Variants in EXOSC4 observed in about 807,000 individuals in gnomAD.
EXOSC4 encodes the protein exosome component 4, also known as exosome complex component RRP41.
Under a neutral mutation model 20.0 loss-of-function variants are expected in EXOSC4, and 14 were observed. The ratio of observed to expected loss-of-function variants is 0.70; its 90% CI spans 0.46 to 1.09. The LOEUF (loss-of-function observed/expected upper bound fraction) is 1.09, where lower values mean the gene tolerates loss of function less well. Ranked by LOEUF, EXOSC4 falls within the 50% of genes least tolerant of loss-of-function variation. The pLI, the probability that EXOSC4 is intolerant of heterozygous loss-of-function variation, is 0.00. For synonymous variants in EXOSC4, 148 were observed against 146.4 expected, an observed-to-expected ratio of 1.01 and a Z score of -0.08; for missense variants, 337 against 334.0, an observed-to-expected ratio of 1.01 and a Z score of -0.07.
chr8:144,075,295 C>T (rs1021659998), upstream of EXOSC4, among the ~76,000 whole-genome samples: 22 of 151,556 alleles, frequency 1.5e-4, no homozygotes, highest in African/African-American at 2.2e-4. Context: ...GGTGCGATTT[C>T]GGCTCACTGC....
At chr8:144,064,502 G>A in the EXOSC4 span, among the ~76,000 whole-genome samples, 1 of 152,264 alleles carries the variant, frequency 6.6e-6, no homozygotes, top group Non-Finnish European at 1.5e-5. Flanking sequence ...AGAGCCAGCC[G>A]AGAGCACGCT....
At chr8:144,075,709 G>A (rs1237888228), upstream of EXOSC4, among the ~76,000 whole-genome samples, 2 of 152,160 alleles carry the variant, frequency 1.3e-5, no homozygotes, top group East Asian at 1.9e-4. Flanking sequence ...GTTATAAAAA[G>A]GTGTTGTCAT....
rs1385036070 is a variant in EXOSC4, at chr8:144,080,007, C to T, written c.236C>T (p.Ala79Val). ...RALVNCQYSS[A>V]TFSTGERKRR... ...CTAGTGAACTGTCAATATAGTTCAG[C>T]GACCTTCAGCACAGGTGAGCGCAAG... The change falls in exon 2 of 3, where the codon GCG becomes GTG. Residue 79 changes from alanine to valine, a missense_variant. Ala to Val is a moderately conservative substitution (Grantham distance 64). Transcript: ENST00000316052. The surrounding 1 kb of genome is among the most constrained non-coding windows in gnomAD (Gnocchi z 4.9). 6.2e-7 allele frequency: 1 copy of T among 1,614,014 alleles called. No homozygotes were observed. Among genetic ancestry groups the T allele is most frequent in the Non-Finnish European group, 8.5e-7 (1 of 1,180,016 alleles).
chr8:144,077,941 G>A (rs1835851225), upstream of EXOSC4: 2 of 152,242 alleles, frequency 1.3e-5, no homozygotes, highest in Non-Finnish European at 2.9e-5. Flanking sequence ...GCAACTGTAG[G>A]AGAGATCCTA....
At chr8:144,075,506 G>A (rs188524205), upstream of EXOSC4, among the ~76,000 whole-genome samples, 56 of 152,286 alleles carry the variant, frequency 3.7e-4, 1 homozygote, top group African/African-American at 1.1e-3. Flanking sequence ...GATTACAGGC[G>A]TGAGCCACCG....
chr8:144,071,629 C>T, the EXOSC4 span, among the ~76,000 whole-genome samples: 1 of 150,740 alleles, frequency 6.6e-6, no homozygotes, highest in Non-Finnish European at 1.5e-5. Context: ...AATGATGAGA[C>T]ATGCAAAGAA....
chr8:144,070,543 G>A, the EXOSC4 span, among the ~76,000 whole-genome samples: 1 of 133,784 alleles, frequency 7.5e-6, no homozygotes, highest in Non-Finnish European at 1.6e-5. Flanking sequence ...AAAAAAAATT[G>A]GGGCTGGGCG....
upstream of EXOSC4, chr8:144,078,001 A>G (rs1294218153): frequency 1.3e-5 from 2 of 152,236 alleles, no homozygotes; most frequent in African/African-American, 4.8e-5. This position sits in a 1 kb window ranked among gnomAD's most constrained non-coding sequence, Gnocchi z 4.7. Flanking sequence ...GCAGCACATA[A>G]TAATAGAATG....
upstream of EXOSC4, among the ~76,000 whole-genome samples, chr8:144,074,764 G>T (rs1037523717): frequency 3.9e-5 from 6 of 152,036 alleles, no homozygotes; most frequent in Admixed American, 1.3e-4. Context: ...TGTAGAGATA[G>T]TGTGTCACTA....
chr8:144,064,453 T>C, the EXOSC4 span, among the ~76,000 whole-genome samples: 1 of 152,192 alleles, frequency 6.6e-6, no homozygotes, highest in Admixed American at 6.5e-5. Context: ...CAGCAGGAGC[T>C]GGACAGCAGC....
upstream of EXOSC4, among the ~76,000 whole-genome samples, chr8:144,077,642 ATCTG>A (rs1835848276): frequency 6.6e-6 from 1 of 152,228 alleles, no homozygotes; most frequent in Non-Finnish European, 1.5e-5. Flanking sequence ...GCCTGGGCAG[ATCTG>A]TCTGACTGCC....
In EXOSC4 at chr8:144,078,718, G is replaced by T; in HGVS notation, c.-11G>T. On this transcript the variant is annotated 5_prime_UTR_variant, in exon 1 of 3. Transcript: ENST00000316052. The surrounding 1 kb of genome is among the most constrained non-coding windows in gnomAD (Gnocchi z 4.7). ...GAAGTAGGCAGAGAGCGGACCTGGC[G>T]GCCGGGCAGCATGGCGGGGCTGGAG... The T allele has an allele frequency of 6.9e-7, 1 of 1,443,524 alleles. No individual in the cohort carries two copies. Among genetic ancestry groups the T allele is most frequent in the Non-Finnish European group, 9.1e-7 (1 of 1,095,520 alleles). The allele number at this position is 1,443,524 out of a possible 1,614,324, so 89.4% of individuals were successfully genotyped here.
chr8:144,066,157 C>T, the EXOSC4 span, among the ~76,000 whole-genome samples: 1 of 151,894 alleles, frequency 6.6e-6, no homozygotes, highest in East Asian at 1.9e-4. Flanking sequence ...GCTGGGACTA[C>T]AGGTGCCCGC....
chr8:144,071,813 C>CA, the EXOSC4 span, among the ~76,000 whole-genome samples: 1 of 151,478 alleles, frequency 6.6e-6, no homozygotes, highest in African/African-American at 2.4e-5. Context: ...CACAGCTCCG[C>CA]AAAAAAACAC....
chr8:144,078,814 T>G lies in EXOSC4; in HGVS notation c.86T>G (p.Met29Arg). The change falls in exon 1 of 3, where the codon ATG (methionine) becomes AGG (arginine). Residue 29 changes from methionine (M) to arginine (R), a missense_variant. Coordinates refer to ENST00000316052, the MANE Select transcript of EXOSC4 (RefSeq NM_019037.3). The surrounding 1 kb of genome is among the most constrained non-coding windows in gnomAD (Gnocchi z 4.7). ...GAGCTGCGCAAGATCCAGGCGCGGATGGGCGTGTTCGCGCAGGCTGACGGC... is the reference window on the plus strand; with the variant it reads ...GAGCTGCGCAAGATCCAGGCGCGGAGGGGCGTGTTCGCGCAGGCTGACGGC... ...AGELRKIQAR[M>R]GVFAQADGSA... 6.3e-7 allele frequency: 1 copy of G among 1,578,890 alleles called. No homozygotes were observed. Among genetic ancestry groups the G allele is most frequent in the Non-Finnish European group, 8.6e-7 (1 of 1,165,090 alleles).
the EXOSC4 span, among the ~76,000 whole-genome samples, chr8:144,069,439 G>T: frequency 6.6e-6 from 1 of 152,252 alleles, no homozygotes; most frequent in African/African-American, 2.4e-5. Flanking sequence ...AGTTCCTGGT[G>T]TGTGCCGGGA....
chr8:144,080,328 CTT>C lies in EXOSC4; in HGVS notation c.467_468del (p.Phe156CysfsTer44), dbSNP rs1554763306. 6.8e-6 allele frequency: 11 copies of C among 1,613,704 alleles called. No individual in the cohort carries two copies. The highest frequency in any genetic ancestry group is 1.7e-5 in the Admixed American group (1 of 60,022). Reference sequence around the variant, plus strand: ...TGGATGCCGGGATACCCATGAGAGACTTTGTGTGTGCGTGCTCAGCTGGCTTC... The same window carrying C: ...TGGATGCCGGGATACCCATGAGAGACTGTGTGTGCGTGCTCAGCTGGCTTC... ...VLDAGIPMRDFVCACSAGFVD... is the reference protein window; with the variant it reads ...VLDAGIPMRDXVCACSAGFVD... On this transcript the variant is annotated frameshift_variant, in exon 3 of 3. Transcript: ENST00000316052. LOFTEE classifies it high-confidence loss of function. The surrounding 1 kb of genome is among the most constrained non-coding windows in gnomAD (Gnocchi z 4.9).
At chr8:144,075,443 G>A (rs1835828159), upstream of EXOSC4, among the ~76,000 whole-genome samples, 2 of 152,140 alleles carry the variant, frequency 1.3e-5, no homozygotes, top group South Asian at 2.1e-4. Flanking sequence ...GGCCAGGATG[G>A]TCTCGATCTC....
At position 144,079,925 on chromosome 8, in the gene EXOSC4, G is replaced by C. The variant is rs782370363; in HGVS notation, c.172-18G>C. 1 of 1,613,106 alleles carries C rather than the reference G, an allele frequency of 6.2e-7. No homozygotes were observed. The highest frequency in any genetic ancestry group is 8.5e-7 in the Non-Finnish European group (1 of 1,179,236). On this transcript the variant is annotated intron_variant, in intron 1 of 2. Coordinates refer to ENST00000316052, the MANE Select transcript of EXOSC4 (RefSeq NM_019037.3). ...GCTGGAAGGAGTGGGCCTGGCTCATGTGTCTGTCCTCTTCCAGATCCGGGG... is the reference window on the plus strand; with the variant it reads ...GCTGGAAGGAGTGGGCCTGGCTCATCTGTCTGTCCTCTTCCAGATCCGGGG...
Sources: allele counts gnomAD v4.1 joint callset (sites outside exome capture counted in the v4.1 genomes callset), GRCh38; gene constraint gnomAD v4.1.1; non-coding constraint Gnocchi (gnomAD v3.1); transcripts MANE v1.5; gene names NCBI Gene and HGNC (gene_info 2026-07-23, HGNC 2026-07-21).